The following KIF26B variants were observed in gnomAD, a reference collection of about 807,000 sequenced individuals.
KIF26B encodes kinesin-like protein KIF26B.
KIF26B carries 63 observed loss-of-function variants against 151.2 expected under a neutral mutation model. The observed-to-expected ratio is 0.42, with a 90% confidence interval of 0.34 to 0.51. The LOEUF (loss-of-function observed/expected upper bound fraction) is 0.51. Ranked by LOEUF, KIF26B falls within the 20% of genes least tolerant of loss-of-function variation. KIF26B has a pLI of 0.07. For missense variants in KIF26B, 2,813 were observed against 2,913.6 expected (o/e 0.97, Z 0.79); for synonymous variants, 1,357 against 1,262.1 (o/e 1.08, Z -1.59).
rs536976140 is a variant in KIF26B, at chr1:245,348,305, T to C, written c.466-18529T>C. Among the ~76,000 whole-genome samples, 106 of 152,342 alleles carry C rather than the reference T, an allele frequency of 7.0e-4. No individual in the cohort carries two copies. In the Middle Eastern group the frequency reaches 0.01, roughly 15 times the overall value. ...AACTTCCAATGCTATCAGTATATTATTGATTTGCAAAATTGTATCCCTAGC... is the reference window on the plus strand; with the variant it reads ...AACTTCCAATGCTATCAGTATATTACTGATTTGCAAAATTGTATCCCTAGC... On this transcript the variant is annotated intron_variant, in intron 2 of 14. Transcript: ENST00000407071.
At chr1:245,428,525 A>G (rs1468116174) in intron 4 of KIF26B, among the ~76,000 whole-genome samples, 1 of 152,126 alleles carries the variant, frequency 6.6e-6, no homozygotes, top group East Asian at 1.9e-4. Context: ...AAACACCTCA[A>G]ATAGATAACC....
At chr1:245,637,572 C>A (rs1198391769) in intron 9 of KIF26B, among the ~76,000 whole-genome samples, 1 of 151,632 alleles carries the variant, frequency 6.6e-6, no homozygotes, top group Non-Finnish European at 1.5e-5. Context: ...GAGGTCTTAC[C>A]CCAAAAATAT....
chr1:245,686,808 C>T lies in KIF26B; in HGVS notation c.3825C>T (p.Arg1275=), dbSNP rs751484848. The change falls in exon 12 of 15, where the codon CGC becomes CGT. Residue 1275 remains arginine (R), a synonymous_variant. Coordinates refer to ENST00000407071, the MANE Select transcript of KIF26B (RefSeq NM_018012.4). The surrounding 1 kb of genome is among the most constrained non-coding windows in gnomAD (Gnocchi z 5.6). The stretch of plus-strand genomic sequence containing the variant: ...AGGCCCAGGACGCAGGGAGCAGACG[C>T]TCTTCCATCAGCTCCTGGCTGAGCG... ...DEKAQDAGSR[R]SSISSWLSEM... is the part of the protein sequence containing the mutation. 3.7e-6 allele frequency: 6 copies of T among 1,613,586 alleles called. No homozygotes were observed. Among genetic ancestry groups the T allele is most frequent in the Non-Finnish European group, 5.1e-6 (6 of 1,179,826 alleles).
intron 2 of KIF26B, among the ~76,000 whole-genome samples, chr1:245,320,451 C>T (rs953669106): frequency 4.6e-5 from 7 of 152,212 alleles, no homozygotes; most frequent in African/African-American, 4.8e-5. Context: ...TTTGTTTCAA[C>T]TGATGACCCA....
intron 5 of KIF26B, among the ~76,000 whole-genome samples, chr1:245,541,251 CA>C (rs751813164): frequency 6.6e-6 from 1 of 152,168 alleles, no homozygotes; most frequent in Non-Finnish European, 1.5e-5. Flanking sequence ...AATATCGAGG[CA>C]GGGGCAGGAG....
In KIF26B at chr1:245,155,502, T is replaced by C. The variant is rs763918100; in HGVS notation, c.63+15T>C. ...AGAAATACGGGGTAAGTTGTGACGG[T>C]ACGACGCGGAGACGCGTTACCAGAC... On this transcript the variant is annotated intron_variant, in intron 1 of 14. Transcript: ENST00000407071. 6.2e-7 allele frequency: 1 copy of C among 1,605,178 alleles called. No individual in the cohort carries two copies. The highest frequency in any genetic ancestry group is 8.5e-7 in the Non-Finnish European group (1 of 1,173,924).
At chr1:245,257,694 G>A (rs1573737165) in intron 2 of KIF26B, among the ~76,000 whole-genome samples, 2 of 152,164 alleles carry the variant, frequency 1.3e-5, no homozygotes. Context: ...CCTTGCTTAG[G>A]TGGCAGAGGA....
chr1:245,357,327 C>T (rs1572020879), intron 2 of KIF26B, among the ~76,000 whole-genome samples: 1 of 152,134 alleles, frequency 6.6e-6, no homozygotes, highest in Non-Finnish European at 1.5e-5. Context: ...ACGGTTTCTG[C>T]CCCCTAGGAA....
At chr1:245,158,779 A>T (rs965897705) in intron 2 of KIF26B, among the ~76,000 whole-genome samples, 1 of 152,036 alleles carries the variant, frequency 6.6e-6, no homozygotes, top group Non-Finnish European at 1.5e-5. Flanking sequence ...ATTGTTAGTA[A>T]TGAGATGTGG....
intron 4 of KIF26B, among the ~76,000 whole-genome samples, chr1:245,427,075 T>G (rs1223275860): frequency 6.6e-6 from 1 of 152,200 alleles, no homozygotes; most frequent in Non-Finnish European, 1.5e-5. Flanking sequence ...CCTTTAGGGA[T>G]GCTCCCTTCT....
intron 2 of KIF26B, among the ~76,000 whole-genome samples, chr1:245,323,616 C>T (rs1671927653): frequency 6.6e-6 from 1 of 152,160 alleles, no homozygotes; most frequent in Non-Finnish European, 1.5e-5. Flanking sequence ...AGAACAGTGC[C>T]CTTCAGTCCA....
At chr1:245,553,707 G>A (rs947106) in intron 5 of KIF26B, among the ~76,000 whole-genome samples, 96,541 of 151,966 alleles carry the variant, frequency 0.64, 31,982 homozygotes, top group African/African-American at 0.83. Context: ...GCCCTACTCC[G>A]GAATAGTAAG....
At chr1:245,298,010 C>G (rs1347681084) in intron 2 of KIF26B, among the ~76,000 whole-genome samples, 1 of 152,150 alleles carries the variant, frequency 6.6e-6, no homozygotes, top group African/African-American at 2.4e-5. Context: ...CCTCAGCCTC[C>G]AAAGTAGCTG....
chr1:245,686,039 C>G lies in KIF26B; in HGVS notation c.3056C>G (p.Pro1019Arg). The G allele has an allele frequency of 1.3e-6, 2 of 1,594,818 alleles. No individual in the cohort carries two copies. Among genetic ancestry groups the G allele is most frequent in the Non-Finnish European group, 1.7e-6 (2 of 1,171,452 alleles). Residue 1019 changes from proline (P) to arginine (R), a missense_variant, in exon 12 of 15, where the codon CCG becomes CGG. Physicochemically the swap from Pro to Arg is moderately radical, Grantham distance 103. This residue lies in a region of KIF26B where 2,060 missense variants were observed against 2,088.6 expected (regional missense o/e 0.99). Transcript: ENST00000407071. The surrounding 1 kb of genome is among the most constrained non-coding windows in gnomAD (Gnocchi z 5.6). ...GCGGCACCCGCCCACAGCCCCAGCC[C>G]GGCCTCACCCAGGAGCGTCCCGGGC... The part of the protein sequence containing the change: ...PAAAPAHSPS[P>R]ASPRSVPGSS...
chr1:245,465,055 T>C (rs1364454057), intron 4 of KIF26B, among the ~76,000 whole-genome samples: 3 of 144,022 alleles, frequency 2.1e-5, no homozygotes, highest in Non-Finnish European at 3.0e-5. Flanking sequence ...CTCGGCTCAC[T>C]GCAAGCTCCG....
At chr1:245,338,946 GA>G (rs1469076470) in intron 2 of KIF26B, among the ~76,000 whole-genome samples, 1 of 151,414 alleles carries the variant, frequency 6.6e-6, no homozygotes, top group East Asian at 1.9e-4. Flanking sequence ...GCAATGGCAA[GA>G]AAGGTATGCT....
At chr1:245,635,087 C>A (rs899087577) in intron 9 of KIF26B, among the ~76,000 whole-genome samples, 59 of 134,836 alleles carry the variant, frequency 4.4e-4, no homozygotes, top group Non-Finnish European at 1.7e-4. Context: ...TATTGTTCTG[C>A]AGGTTTTTGT....
chr1:245,379,409 A>G (rs1253859792), intron 3 of KIF26B, among the ~76,000 whole-genome samples: 2 of 152,126 alleles, frequency 1.3e-5, no homozygotes, highest in Non-Finnish European at 2.9e-5. Flanking sequence ...AAAATAACCC[A>G]AACAAGTCAA....
chr1:245,171,431 C>T (rs1176145226), intron 2 of KIF26B, among the ~76,000 whole-genome samples: 2 of 152,146 alleles, frequency 1.3e-5, no homozygotes, highest in Non-Finnish European at 2.9e-5. Context: ...GTAATCCCAG[C>T]TACTCCGGAA....
Sources: allele counts gnomAD v4.1 joint callset (sites outside exome capture counted in the v4.1 genomes callset), GRCh38; gene constraint gnomAD v4.1.1; regional missense constraint gnomAD v4.1.1; non-coding constraint Gnocchi (gnomAD v3.1); transcripts MANE v1.5; gene names NCBI Gene and HGNC (gene_info 2026-07-23, HGNC 2026-07-21).